The following ANKEF1 variants were observed in gnomAD, a reference collection of about 807,000 sequenced individuals.
The protein encoded by ANKEF1 is ankyrin repeat and EF-hand domain-containing protein 1.
ANKEF1 carries 43 observed loss-of-function variants against 65.1 expected under a neutral mutation model. The ratio of observed to expected loss-of-function variants is 0.66; its 90% CI spans 0.52 to 0.85. The LOEUF (loss-of-function observed/expected upper bound fraction) is 0.85. Ranked by LOEUF, ANKEF1 falls within the 40% of genes least tolerant of loss-of-function variation. The pLI is 0.00. For missense variants in ANKEF1, 934 were observed against 952.9 expected, an observed-to-expected ratio of 0.98 and a Z score of 0.26; for synonymous variants, 316 against 341.5, an observed-to-expected ratio of 0.93 and a Z score of 0.82.
Position 10,043,269 on chromosome 20 carries a change from A to G in ANKEF1, c.494A>G (p.Asp165Gly). 6.2e-7 allele frequency: 1 copy of G among 1,614,202 alleles called. No homozygotes were observed. Among genetic ancestry groups the G allele is most frequent in the Admixed American group, 1.7e-5 (1 of 60,030 alleles). ...TGTGAAGATGCACATGATGTTAAAG[A>G]TGTGTGCCTGACATTTTTGGAAAAA... Reference protein sequence around the residue: ...RACEDAHDVKDVCLTFLEKGA... With the variant: ...RACEDAHDVKGVCLTFLEKGA... Residue 165 changes from aspartate (D) to glycine (G), a missense_variant, in exon 4 of 11, where the codon GAT (aspartate) becomes GGT (glycine). Asp to Gly is a moderately conservative substitution (Grantham distance 94). Transcript: ENST00000378392.
chr20:10,037,985 T>G (rs983740238), intron 2 of ANKEF1, among the ~76,000 whole-genome samples: 9 of 152,188 alleles, frequency 5.9e-5, no homozygotes, highest in African/African-American at 2.2e-4. Context: ...AGCTTCTTCA[T>G]GGTAAAATGG....
intron 2 of ANKEF1, among the ~76,000 whole-genome samples, chr20:10,037,918 A>G (rs2122218836): frequency 6.6e-6 from 1 of 152,312 alleles, no homozygotes; most frequent in African/African-American, 2.4e-5. Context: ...CTGGTGTGAA[A>G]CCATGTAGAT....
In ANKEF1 at chr20:10,058,167, A is replaced by G. The variant is rs991428417; in HGVS notation, c.*2507A>G. 1 of 152,224 alleles carries G rather than the reference A, an allele frequency of 6.6e-6. No homozygotes were observed. Among genetic ancestry groups the G allele is most frequent in the Non-Finnish European group, 1.5e-5 (1 of 68,034 alleles). The allele number at this position is 152,224 out of a possible 1,614,324, so 9.4% of individuals were successfully genotyped here. On this transcript the variant is annotated 3_prime_UTR_variant, in exon 11 of 11. Coordinates refer to ENST00000378392, the MANE Select transcript of ANKEF1 (RefSeq NM_022096.6). ...AGCTGCAGTAATAAATCATAACTGCATAAAATTAACTGTAGTACATACTGT... is the reference window on the plus strand; with the variant it reads ...AGCTGCAGTAATAAATCATAACTGCGTAAAATTAACTGTAGTACATACTGT...
chr20:10,038,131 A>G (rs1231197872), intron 2 of ANKEF1, 127 bp from the exon 3 acceptor site: 6 of 479,272 alleles, frequency 1.3e-5, no homozygotes, highest in Non-Finnish European at 2.2e-5. Flanking sequence ...TTATGTATAA[A>G]TCCTACTTTC....
At chr20:10,040,444 G>A (rs140119602) in intron 3 of ANKEF1, among the ~76,000 whole-genome samples, 27 of 152,294 alleles carry the variant, frequency 1.8e-4, no homozygotes, top group Non-Finnish European at 2.1e-4. Context: ...AGGCCTAAGC[G>A]GCACTTTCTC....
rs1488083512 is a variant in ANKEF1 at position 10,054,640 on chromosome 20, C to T, written c.2172+41C>T. Reference sequence around the variant, plus strand: ...AGATCTTCATAGCATGGTAGAAGCTCATAATGTCATTTTTTCAAAAGCTTT... The same window carrying T: ...AGATCTTCATAGCATGGTAGAAGCTTATAATGTCATTTTTTCAAAAGCTTT... On this transcript the variant is annotated intron_variant, in intron 10 of 10. Transcript: ENST00000378392. 1.0e-5 allele frequency: 16 copies of T among 1,562,400 alleles called. No individual in the cohort carries two copies. The African/African-American group carries it at 2.0e-4, about 19-fold the overall frequency.
chr20:10,043,035 A>T (rs1319255707), intron 3 of ANKEF1, 87 bp from the exon 4 acceptor site: 2 of 1,352,620 alleles, frequency 1.5e-6, no homozygotes, highest in Admixed American at 4.2e-5. Flanking sequence ...TTAACTAGCT[A>T]AATATGGATT....
Position 10,055,749 on chromosome 20 carries a change from A to G in ANKEF1, c.*89A>G, listed in dbSNP as rs1985114939. The G allele has an allele frequency of 7.4e-7, 1 of 1,344,978 alleles. No individual in the cohort carries two copies. Among genetic ancestry groups the G allele is most frequent in the Admixed American group, 1.9e-5 (1 of 53,354 alleles). 83.3% of individuals were successfully genotyped at this position (1,344,978 alleles called of 1,614,324 possible). A position where few individuals can be genotyped will look rare whatever the true frequency, so the allele number is the denominator to read the frequency against. ...AGATATTTCCATCAAAGCCAAAGCAATCCATACACCAAGAACTTGTTACCA... is the reference window on the plus strand; with the variant it reads ...AGATATTTCCATCAAAGCCAAAGCAGTCCATACACCAAGAACTTGTTACCA... On this transcript the variant is annotated 3_prime_UTR_variant, in exon 11 of 11. Coordinates refer to ENST00000378392, the MANE Select transcript of ANKEF1 (RefSeq NM_022096.6).
intron 6 of ANKEF1, among the ~76,000 whole-genome samples, chr20:10,048,229 G>A (rs756536839): frequency 4.2e-4 from 63 of 151,546 alleles, no homozygotes; most frequent in Admixed American, 1.6e-3. Flanking sequence ...ATGTGTGTGT[G>A]TGTGTGTGTG....
Position 10,055,881 on chromosome 20 carries a change from C to T in ANKEF1, c.*221C>T, listed in dbSNP as rs1479849958. On this transcript the variant is annotated 3_prime_UTR_variant, in exon 11 of 11. Transcript: ENST00000378392. ...TGTCATTCTGGATAAATCCCCAAGCCCCTTTATGAATGTAGTGAAATACAT... is the reference window on the plus strand; with the variant it reads ...TGTCATTCTGGATAAATCCCCAAGCTCCTTTATGAATGTAGTGAAATACAT... 20 of 521,212 alleles carry T rather than the reference C, an allele frequency of 3.8e-5. No homozygotes were observed. The highest frequency in any genetic ancestry group is 6.2e-5 in the Non-Finnish European group (18 of 292,316). The allele number at this position is 521,212 out of a possible 1,614,324, so 32.3% of individuals were successfully genotyped here.
rs1600527760 is a variant in ANKEF1 at position 10,055,438 on chromosome 20, T to C, written c.2173-64T>C. Reference sequence around the variant, plus strand: ...AACTGTGTATTGAAAATTGTCTGGATATTAGCATATTTACTGGCTGTCATA... The same window carrying C: ...AACTGTGTATTGAAAATTGTCTGGACATTAGCATATTTACTGGCTGTCATA... On this transcript the variant is annotated intron_variant, in intron 10 of 10. Transcript: ENST00000378392. The C allele has an allele frequency of 3.5e-6, 5 of 1,434,322 alleles. No homozygotes were observed. The Admixed American group carries it at 9.5e-5, about 27-fold the overall frequency. The allele number at this position is 1,434,322 out of a possible 1,614,324, so 88.8% of individuals were successfully genotyped here.
chr20:10,037,414 G>A (rs1278240640), intron 2 of ANKEF1, among the ~76,000 whole-genome samples: 2 of 152,188 alleles, frequency 1.3e-5, no homozygotes, highest in Non-Finnish European at 2.9e-5. Context: ...ATGATGGGCT[G>A]CTGATTGGTT....
In ANKEF1 at chr20:10,049,505, A is replaced by C; in HGVS notation, c.936A>C (p.Lys312Asn). 1 of 1,614,126 alleles carries C rather than the reference A, an allele frequency of 6.2e-7. No individual in the cohort carries two copies. Among genetic ancestry groups the C allele is most frequent in the Non-Finnish European group, 8.5e-7 (1 of 1,180,006 alleles). ...GCCGAGCAGAGAGAATCGCTAATAA[A>C]CTAGCCAGGCCAGGAGCCAAAAATC... ...EIRRAERIAN[K>N]LARPGAKNPN... Residue 312 changes from lysine (K) to asparagine (N), a missense_variant, in exon 7 of 11, where the codon AAA becomes AAC. By Grantham distance (94) the Lys-to-Asn change is moderately conservative (BLOSUM62 0). Coordinates refer to ENST00000378392, the MANE Select transcript of ANKEF1 (RefSeq NM_022096.6).
At chr20:10,055,111 A>C (rs1380031514) in intron 10 of ANKEF1, among the ~76,000 whole-genome samples, 2 of 152,168 alleles carry the variant, frequency 1.3e-5, no homozygotes, top group African/African-American at 4.8e-5. Flanking sequence ...CTCGCCTTCT[A>C]TTATAAAAAT....
Position 10,057,389 on chromosome 20 carries a change from T to C in ANKEF1, c.*1729T>C, listed in dbSNP as rs1411013069. The C allele has an allele frequency of 1.3e-5, 2 of 152,234 alleles. No homozygotes were observed. Among genetic ancestry groups the C allele is most frequent in the African/African-American group, 4.8e-5 (2 of 41,462 alleles). 9.4% of individuals were successfully genotyped at this position (152,234 alleles called of 1,614,324 possible). A position where few individuals can be genotyped will look rare whatever the true frequency, so the allele number is the denominator to read the frequency against. Reference sequence around the variant, plus strand: ...TTTGTAAGGTTTTGGTTGGTTTTTTTGTTCTCTCTTTTCTTTTTGTTTTGA... The same window carrying C: ...TTTGTAAGGTTTTGGTTGGTTTTTTCGTTCTCTCTTTTCTTTTTGTTTTGA... On this transcript the variant is annotated 3_prime_UTR_variant, in exon 11 of 11. Coordinates refer to ENST00000378392, the MANE Select transcript of ANKEF1 (RefSeq NM_022096.6).
chr20:10,040,213 A>G (rs1984100819), intron 3 of ANKEF1, among the ~76,000 whole-genome samples: 1 of 152,242 alleles, frequency 6.6e-6, no homozygotes, highest in Admixed American at 6.5e-5. Context: ...CCCATTGTAC[A>G]GAGTACATTG....
intron 5 of ANKEF1, 74 bp from the exon 6 acceptor site, chr20:10,045,500 C>T (rs56165450): frequency 2.9e-4 from 428 of 1,482,720 alleles, no homozygotes; most frequent in Admixed American, 6.0e-4. Context: ...TGGATAGTGC[C>T]GGTCTAGCTG....
rs570784457 is a variant in ANKEF1, at chr20:10,041,917, G to A, written c.347-1205G>A. ...TGTCTGTTGTTTTTACATGAACAAA[G>A]TCTTGATTGGGTATAAAAGTTTCCT... is the stretch of plus-strand genomic sequence containing the variant. On this transcript the variant is annotated intron_variant, in intron 3 of 10. Coordinates refer to ENST00000378392, the MANE Select transcript of ANKEF1 (RefSeq NM_022096.6). Among the ~76,000 whole-genome samples the A allele has an allele frequency of 7.9e-5, 12 of 152,250 alleles. No homozygotes were observed. In the East Asian group the frequency reaches 2.3e-3, roughly 29 times the overall value.
In ANKEF1 at chr20:10,050,042, G is replaced by A. The variant is rs368425751; in HGVS notation, c.1473G>A (p.Lys491=). The A allele has an allele frequency of 2.5e-6, 4 of 1,613,970 alleles. No homozygotes were observed. The African/African-American group carries it at 4.0e-5, about 16-fold the overall frequency. Residue 491 remains lysine, a synonymous_variant, in exon 7 of 11, where the codon AAG becomes AAA. Transcript: ENST00000378392. ...DSVWYIDDSE[K]VFSNINIITK... Reference sequence around the variant, plus strand: ...TTTGGTACATTGATGATTCAGAGAAGGTATTTTCAAACATTAATATTATCA... The same window carrying A: ...TTTGGTACATTGATGATTCAGAGAAAGTATTTTCAAACATTAATATTATCA...
Sources: allele counts gnomAD v4.1 joint callset (sites outside exome capture counted in the v4.1 genomes callset), GRCh38; gene constraint gnomAD v4.1.1; transcripts MANE v1.5; gene names NCBI Gene and HGNC (gene_info 2026-07-23, HGNC 2026-07-21).